RIN1: variants seen among roughly 807,000 people sequenced by gnomAD.
The protein encoded by RIN1 is ras inhibitor 1.
A neutral mutation model predicts 64.9 loss-of-function variants in RIN1; 52 were observed. The ratio of observed to expected loss-of-function variants is 0.80; its 90% CI spans 0.64 to 1.01. The LOEUF (loss-of-function observed/expected upper bound fraction) is 1.01. Among genes scored for constraint, RIN1 ranks in the 50% least tolerant of loss-of-function variants. The pLI is 0.00. For missense variants in RIN1, 1,040 were observed against 1,064.5 expected, an observed-to-expected ratio of 0.98 and a Z score of 0.32; for synonymous variants, 486 against 483.6, an observed-to-expected ratio of 1.00 and a Z score of -0.06.
In RIN1 at chr11:66,335,665, A is replaced by T. The variant is rs1854869959; in HGVS notation, c.400T>A (p.Ser134Thr). The T allele has an allele frequency of 1.9e-6, 3 of 1,613,458 alleles. No homozygotes were observed. Among genetic ancestry groups the T allele is most frequent in the Non-Finnish European group, 2.5e-6 (3 of 1,179,818 alleles). ...ESPGGVSLEG[S>T]ELMFPDLVQL... The stretch of plus-strand genomic sequence containing the variant: ...ACTAGGTCTGGGAACATGAGCTCCG[A>T]GCCCTCCAAGGAGACGCCTGAGAGA... The change falls in exon 4 of 10, where the codon TCG becomes ACG. Residue 134 changes from serine to threonine, a missense_variant. Coordinates refer to ENST00000311320, the MANE Select transcript of RIN1 (RefSeq NM_004292.3).
chr11:66,333,398 G>T lies in RIN1; in HGVS notation c.1735C>A (p.Leu579Met), dbSNP rs755175112. The part of the protein sequence containing the change: ...SLLTGEGGYY[L>M]TSLSASLALL... The stretch of plus-strand genomic sequence containing the variant: ...GCCAGGCTGGCAGAGAGGCTGGTCA[G>T]GTAGTAGCCACCTGGGACACAGGGT... The change falls in exon 9 of 10, where the codon CTG becomes ATG. Residue 579 changes from leucine (L) to methionine (M), a missense_variant. Transcript: ENST00000311320. 6.2e-7 allele frequency: 1 copy of T among 1,608,702 alleles called. No individual in the cohort carries two copies. Among genetic ancestry groups the T allele is most frequent in the Non-Finnish European group, 8.5e-7 (1 of 1,176,812 alleles).
Position 66,331,645 on chromosome 11 carries a change from C to A in RIN1, c.*631G>T, listed in dbSNP as rs1451549431. On this transcript the variant is annotated 3_prime_UTR_variant, in exon 10 of 10. Coordinates refer to ENST00000311320, the MANE Select transcript of RIN1 (RefSeq NM_004292.3). Reference sequence around the variant, plus strand: ...TCTCCCTCCCTTTCTGCCATGAGCTCTGCTTGTAGCAAAATCACCCATTTT... The same window carrying A: ...TCTCCCTCCCTTTCTGCCATGAGCTATGCTTGTAGCAAAATCACCCATTTT... The A allele has an allele frequency of 6.6e-6, 1 of 152,352 alleles. No homozygotes were observed. The highest frequency in any genetic ancestry group is 1.5e-5 in the Non-Finnish European group (1 of 68,162). The allele number at this position is 152,352 out of a possible 1,614,324, so 9.4% of individuals were successfully genotyped here. A position where few individuals can be genotyped will look rare whatever the true frequency, so the allele number is the denominator to read the frequency against.
rs776967514 is a variant in RIN1, at chr11:66,332,715, C to A, written c.1913G>T (p.Gly638Val). Residue 638 changes from glycine to valine, a missense_variant, in exon 10 of 10, where the codon GGC becomes GTC. Transcript: ENST00000311320. ...LRVAYQDPSSGCTSKTLAVPP... is the reference protein window; with the variant it reads ...LRVAYQDPSSVCTSKTLAVPP... ...CACGGCCAGGGTCTTGGAGGTGCAG[C>A]CACTGCTGGGATCCTGATAGGCTAC... 1.3e-6 allele frequency: 2 copies of A among 1,528,924 alleles called. No homozygotes were observed. The highest frequency in any genetic ancestry group is 1.4e-5 in the African/African-American group (1 of 72,224). 94.7% of individuals were successfully genotyped at this position (1,528,924 alleles called of 1,614,324 possible).
chr11:66,331,932 T>G lies in RIN1; in HGVS notation c.*344A>C. 3 of 333,750 alleles carry G rather than the reference T, an allele frequency of 9.0e-6. No homozygotes were observed. The highest frequency in any genetic ancestry group is 1.1e-5 in the Non-Finnish European group (2 of 178,552). 20.7% of individuals were successfully genotyped at this position (333,750 alleles called of 1,614,324 possible). A position where few individuals can be genotyped will look rare whatever the true frequency, so the allele number is the denominator to read the frequency against. On this transcript the variant is annotated 3_prime_UTR_variant, in exon 10 of 10. Transcript: ENST00000311320. ...TCAGCCATGCCCATGAGGGGAAGGGTAAAAGGAGCTGAGACCGTCACCCTC... is the reference window on the plus strand; with the variant it reads ...TCAGCCATGCCCATGAGGGGAAGGGGAAAAGGAGCTGAGACCGTCACCCTC...
At position 66,335,122 on chromosome 11, in the gene RIN1, T is replaced by C. The variant is rs1281110193; in HGVS notation, c.677A>G (p.Asn226Ser). ...CCCTAGGTCCCCCGGGAACAGGGGGTTGAAGAAGCACAAGGCGGCTCCGGT... is the reference window on the plus strand; with the variant it reads ...CCCTAGGTCCCCCGGGAACAGGGGGCTGAAGAAGCACAAGGCGGCTCCGGT... ...QGTGAALCFF[N>S]PLFPGDLGPT... The change falls in exon 6 of 10, where the codon AAC (asparagine) becomes AGC (serine). Residue 226 changes from asparagine (N) to serine (S), a missense_variant. Physicochemically the swap from Asn to Ser is conservative, Grantham distance 46. Transcript: ENST00000311320. The C allele has an allele frequency of 7.8e-6, 12 of 1,536,078 alleles. No individual in the cohort carries two copies. The Admixed American group carries it at 8.9e-5, about 11-fold the overall frequency.
chr11:66,332,123 G>A lies in RIN1; in HGVS notation c.*153C>T, dbSNP rs1854745917. On this transcript the variant is annotated 3_prime_UTR_variant, in exon 10 of 10. Coordinates refer to ENST00000311320, the MANE Select transcript of RIN1 (RefSeq NM_004292.3). ...TCATCTTTATTCCAGTTCCTCAGATGTGGCAGTTCCCCCAGCTTCCCTGGA... is the reference window on the plus strand; with the variant it reads ...TCATCTTTATTCCAGTTCCTCAGATATGGCAGTTCCCCCAGCTTCCCTGGA... 1 of 770,914 alleles carries A rather than the reference G, an allele frequency of 1.3e-6. No homozygotes were observed. Among genetic ancestry groups the A allele is most frequent in the Non-Finnish European group, 2.2e-6 (1 of 462,378 alleles). 47.8% of individuals were successfully genotyped at this position (770,914 alleles called of 1,614,324 possible).
chr11:66,335,847 G>A lies in RIN1; in HGVS notation c.297C>T (p.Arg99=). ...GTFLVRKSNT[R]QCQALCMRLP... ...ACCGCATGCACAGGGCCTGGCACTG[G>A]CGGGTGTTAGATTTCCGCACGAGGA... Residue 99 remains arginine, a synonymous_variant, in exon 3 of 10, where the codon CGC becomes CGT. Coordinates refer to ENST00000311320, the MANE Select transcript of RIN1 (RefSeq NM_004292.3). 1 of 1,588,660 alleles carries A rather than the reference G, an allele frequency of 6.3e-7. No individual in the cohort carries two copies. The highest frequency in any genetic ancestry group is 8.6e-7 in the Non-Finnish European group (1 of 1,166,046).
chr11:66,334,984 C>T lies in RIN1; in HGVS notation c.815G>A (p.Gly272Glu). ...CCGCTCTGTCTGGCTGGGGACTGCCCCTGGCAGCACGGGGACGGGGGGAGG... is the reference window on the plus strand; with the variant it reads ...CCGCTCTGTCTGGCTGGGGACTGCCTCTGGCAGCACGGGGACGGGGGGAGG... ...VPPPPVPVLP[G>E]AVPSQTERLP... Residue 272 changes from glycine (G) to glutamate (E), a missense_variant, in exon 6 of 10, where the codon GGG becomes GAG. Physicochemically the swap from Gly to Glu is moderately conservative, Grantham distance 98. Coordinates refer to ENST00000311320, the MANE Select transcript of RIN1 (RefSeq NM_004292.3). 6.4e-7 allele frequency: 1 copy of T among 1,555,438 alleles called. No homozygotes were observed. The highest frequency in any genetic ancestry group is 8.7e-7 in the Non-Finnish European group (1 of 1,152,450).
rs1341364661 is a variant in RIN1, at chr11:66,335,240, A to G, written c.559T>C (p.Ser187Pro). 1 of 1,575,118 alleles carries G rather than the reference A, an allele frequency of 6.3e-7. No individual in the cohort carries two copies. Among genetic ancestry groups the G allele is most frequent in the East Asian group, 2.2e-5 (1 of 44,670 alleles). The change falls in exon 6 of 10, where the codon TCC (serine) becomes CCC (proline). Residue 187 changes from serine to proline, a missense_variant. By Grantham distance (74) the Ser-to-Pro change is moderately conservative (BLOSUM62 -1). Coordinates refer to ENST00000311320, the MANE Select transcript of RIN1 (RefSeq NM_004292.3). ...CGCTGAGCCTTGATGTTGAGGGAGG[A>G]GCTCCAGAACTCTAGGGAACAAGAA... is the stretch of plus-strand genomic sequence containing the variant. The part of the protein sequence containing the change: ...ISHLGIEFWS[S>P]SLNIKAQRGP...
rs1854738801 is a variant in RIN1 at position 66,331,813 on chromosome 11, CCTCT to C, written c.*459_*462del. The C allele has an allele frequency of 1.1e-5, 2 of 181,190 alleles. No homozygotes were observed. The highest frequency in any genetic ancestry group is 1.2e-4 in the Admixed American group (2 of 17,084). The allele number at this position is 181,190 out of a possible 1,614,324, so 11.2% of individuals were successfully genotyped here. A position where few individuals can be genotyped will look rare whatever the true frequency, so the allele number is the denominator to read the frequency against. On this transcript the variant is annotated 3_prime_UTR_variant, in exon 10 of 10. Transcript: ENST00000311320. Reference sequence around the variant, plus strand: ...CCAAGCCTTTGCTGCTGTTCTGTGGCCTCTCTAAATCCTCCTGACACCTAAGAGC... The same window carrying C: ...CCAAGCCTTTGCTGCTGTTCTGTGGCCTAAATCCTCCTGACACCTAAGAGC...
Position 66,334,015 on chromosome 11 carries a change from G to T in RIN1, c.1495C>A (p.Leu499Met). The change falls in exon 7 of 10, where the codon CTG becomes ATG. Residue 499 changes from leucine to methionine, a missense_variant. Transcript: ENST00000311320. ...PVELEQVRQK[L>M]LQLLRTYSPS... ...GAGTAGGTGCGGAGCAGCTGCAGCAGCTTCTGGCGCACTTGCTCCAACTCT... is the reference window on the plus strand; with the variant it reads ...GAGTAGGTGCGGAGCAGCTGCAGCATCTTCTGGCGCACTTGCTCCAACTCT... The T allele has an allele frequency of 6.4e-7, 1 of 1,570,344 alleles. No individual in the cohort carries two copies. The highest frequency in any genetic ancestry group is 1.9e-5 in the Admixed American group (1 of 52,524).
chr11:66,334,489 G>C, intron 6 of RIN1, 25 bp downstream of exon 6: 2 of 1,591,502 alleles, frequency 1.3e-6, no homozygotes, highest in Non-Finnish European at 1.7e-6. Context: ...GGCAGTGCTG[G>C]AGCTATGGAG....
chr11:66,333,995 G>C lies in RIN1; in HGVS notation c.1515C>G (p.Thr505=). 1 of 1,564,276 alleles carries C rather than the reference G, an allele frequency of 6.4e-7. No homozygotes were observed. The highest frequency in any genetic ancestry group is 8.7e-7 in the Non-Finnish European group (1 of 1,154,870). ...GCTTGACCTGGGCGCTGGGTGAGTAGGTGCGGAGCAGCTGCAGCAGCTTCT... is the reference window on the plus strand; with the variant it reads ...GCTTGACCTGGGCGCTGGGTGAGTACGTGCGGAGCAGCTGCAGCAGCTTCT... ...VRQKLLQLLR[T]YSPSAQVKRL... The change falls in exon 7 of 10, where the codon ACC becomes ACG. Residue 505 remains threonine, a synonymous_variant. Coordinates refer to ENST00000311320, the MANE Select transcript of RIN1 (RefSeq NM_004292.3).
At chr11:66,334,393 A>G (rs1051413783) in intron 6 of RIN1, 121 bp downstream of exon 6, 139 of 1,387,410 alleles carry the variant, frequency 1.0e-4, no homozygotes, top group Non-Finnish European at 1.3e-4. Flanking sequence ...ACTCTCTCGA[A>G]CAGTGGTAAG....
chr11:66,334,438 A>G (rs1854821806), intron 6 of RIN1, 76 bp downstream of exon 6: 1 of 1,540,758 alleles, frequency 6.5e-7, no homozygotes, highest in Non-Finnish European at 8.8e-7. Flanking sequence ...GAACAGAATC[A>G]GACAGGCTGG....
At chr11:66,334,252 G>A (rs1228249984) in intron 6 of RIN1, 28 bp from the exon 7 acceptor site, 1 of 1,416,826 alleles carries the variant, frequency 7.1e-7, no homozygotes, top group Non-Finnish European at 9.3e-7. Context: ...AGGGGTCAGG[G>A]GAAGACTGGG....
rs775864124 is a variant in RIN1 at position 66,334,983 on chromosome 11, C to A, written c.816G>T (p.Gly272=). 6.4e-7 allele frequency: 1 copy of A among 1,559,436 alleles called. No individual in the cohort carries two copies. Among genetic ancestry groups the A allele is most frequent in the Non-Finnish European group, 8.7e-7 (1 of 1,153,734 alleles). Residue 272 remains glycine, a synonymous_variant, in exon 6 of 10, where the codon GGG becomes GGT. Transcript: ENST00000311320. ...GCCGCTCTGTCTGGCTGGGGACTGC[C>A]CCTGGCAGCACGGGGACGGGGGGAG... is the stretch of plus-strand genomic sequence containing the variant. ...VPPPPVPVLP[G]AVPSQTERLP... is the part of the protein sequence containing the mutation.
In RIN1 at chr11:66,333,272, T is replaced by TGGCA. The variant is rs1854781900; in HGVS notation, c.1857_1860dup (p.Thr621CysfsTer89). ...GGGCCTGTTACCTGGAAGCAGTGGG[T>TGGCA]GGCAGGCAGGCGGCGCTGCTCCCAG... On this transcript the variant is annotated frameshift_variant, in exon 9 of 10. Coordinates refer to ENST00000311320, the MANE Select transcript of RIN1 (RefSeq NM_004292.3). LOFTEE classifies it high-confidence loss of function. 6.2e-7 allele frequency: 1 copy of TGGCA among 1,611,152 alleles called. No homozygotes were observed. Among genetic ancestry groups the TGGCA allele is most frequent in the Non-Finnish European group, 8.5e-7 (1 of 1,179,940 alleles).
intron 6 of RIN1, 120 bp downstream of exon 6, chr11:66,334,394 C>T: frequency 2.2e-6 from 3 of 1,389,632 alleles, no homozygotes; most frequent in Non-Finnish European, 2.9e-6. Flanking sequence ...CTCTCTCGAA[C>T]AGTGGTAAGA....
Sources: gnomAD v4.1 joint callset for allele counts on GRCh38, gnomAD v4.1.1 for gene constraint, MANE v1.5 for transcripts, NCBI Gene and HGNC (gene_info 2026-07-23, HGNC 2026-07-21) for gene names.